The following AGFG1 variants were observed in gnomAD, a reference collection of about 807,000 sequenced individuals.
AGFG1 encodes arf-GAP domain and FG repeat-containing protein 1.
AGFG1 carries 10 observed loss-of-function variants against 60.6 expected under a neutral mutation model. The ratio of observed to expected loss-of-function variants is 0.16; its 90% CI spans 0.10 to 0.28. The LOEUF is 0.28. Among genes scored for constraint, AGFG1 ranks in the 10% least tolerant of loss-of-function variants. The pLI is 1.00. For synonymous variants in AGFG1, 247 were observed against 242.9 expected (o/e 1.02, Z -0.16); for missense variants, 537 against 676.5 (o/e 0.79, Z 2.29).
chr2:227,549,407 A>G (rs1223046423), intron 10 of AGFG1, among the ~76,000 whole-genome samples: 1 of 152,246 alleles, frequency 6.6e-6, no homozygotes, highest in Non-Finnish European at 1.5e-5. Flanking sequence ...TTAACTTTAT[A>G]TGTAACCTGT....
chr2:227,504,637 T>A (rs1266046660), intron 2 of AGFG1, among the ~76,000 whole-genome samples: 1 of 152,272 alleles, frequency 6.6e-6, no homozygotes, highest in African/African-American at 2.4e-5. Flanking sequence ...TGATGTATTT[T>A]ATCATTTGGT....
chr2:227,515,016 A>G (rs1691612691), intron 2 of AGFG1, among the ~76,000 whole-genome samples: 1 of 152,100 alleles, frequency 6.6e-6, no homozygotes, highest in African/African-American at 2.4e-5. Context: ...TCTACTTGCC[A>G]GGCTCAGGTG....
intron 2 of AGFG1, among the ~76,000 whole-genome samples, chr2:227,509,638 G>A (rs1023635833): frequency 1.1e-4 from 16 of 152,062 alleles, no homozygotes; most frequent in African/African-American, 3.4e-4. Flanking sequence ...TAAAGCAAAT[G>A]TTACCGTTGG....
chr2:227,552,548 T>C (rs1413351029), intron 11 of AGFG1, among the ~76,000 whole-genome samples: 2 of 152,056 alleles, frequency 1.3e-5, no homozygotes, highest in Non-Finnish European at 1.5e-5. Flanking sequence ...GTAGTTAGAG[T>C]TTGTTATTTG....
At chr2:227,495,161 T>G (rs1328832239) in intron 2 of AGFG1, among the ~76,000 whole-genome samples, 1 of 152,182 alleles carries the variant, frequency 6.6e-6, no homozygotes, top group Non-Finnish European at 1.5e-5. Context: ...TGTATTTATT[T>G]GCTGAAGTAA....
intron 10 of AGFG1, among the ~76,000 whole-genome samples, chr2:227,547,284 T>C (rs2106239041): frequency 6.6e-6 from 1 of 152,314 alleles, no homozygotes; most frequent in South Asian, 2.1e-4. Flanking sequence ...AAAGTTACCT[T>C]GGGCTGTGAA....
At chr2:227,532,901 C>A (rs1481076758) in intron 6 of AGFG1, among the ~76,000 whole-genome samples, 4 of 151,872 alleles carry the variant, frequency 2.6e-5, no homozygotes, top group Admixed American at 2.0e-4. Flanking sequence ...TTTATAAAGT[C>A]AAAAATTGCT....
At chr2:227,510,141 C>T (rs1284464723) in intron 2 of AGFG1, among the ~76,000 whole-genome samples, 1 of 152,056 alleles carries the variant, frequency 6.6e-6, no homozygotes, top group Non-Finnish European at 1.5e-5. Flanking sequence ...TCATAAATAA[C>T]CTGTGTGTTG....
chr2:227,552,107 A>G lies in AGFG1; in HGVS notation c.1527A>G (p.Gln509=), dbSNP rs188261439. The G allele has an allele frequency of 8.1e-6, 13 of 1,614,158 alleles. No homozygotes were observed. The East Asian group carries it at 1.8e-4, about 22-fold the overall frequency. ...AAFPQQTAFS[Q]QPNGAGFAAF... ...TCCCTCAACAGACAGCTTTTTCTCA[A>G]CAGCCCAATGGTAAGATCTAACATT... Residue 509 remains glutamine (Q), a synonymous_variant, in exon 11 of 13, where the codon CAA becomes CAG. Coordinates refer to ENST00000310078, the MANE Select transcript of AGFG1 (RefSeq NM_004504.5).
chr2:227,489,252 A>C (rs974501610), intron 1 of AGFG1, among the ~76,000 whole-genome samples: 25 of 97,416 alleles, frequency 2.6e-4, no homozygotes, highest in African/African-American at 1.1e-3. Context: ...TTTTTTTGAG[A>C]CGGAGTCTCA....
At chr2:227,478,465 T>A (rs932104519) in intron 1 of AGFG1, among the ~76,000 whole-genome samples, 3 of 151,954 alleles carry the variant, frequency 2.0e-5, no homozygotes, top group African/African-American at 7.3e-5. Context: ...GACCTCAGCT[T>A]CCCAGGTACC....
intron 1 of AGFG1, among the ~76,000 whole-genome samples, chr2:227,478,249 AAAATAC>A (rs1411951398): frequency 1.3e-5 from 2 of 149,138 alleles, no homozygotes; most frequent in Admixed American, 6.8e-5. Context: ...TAAAAAAAAA[AAAATAC>A]ATACATGCAC....
At chr2:227,508,870 A>T (rs1473632082) in intron 2 of AGFG1, among the ~76,000 whole-genome samples, 1 of 152,192 alleles carries the variant, frequency 6.6e-6, no homozygotes, top group Non-Finnish European at 1.5e-5. Flanking sequence ...GATATACTGT[A>T]ACCTTCATAT....
intron 1 of AGFG1, among the ~76,000 whole-genome samples, chr2:227,477,098 C>T (rs1690306224): frequency 6.6e-6 from 1 of 152,046 alleles, no homozygotes; most frequent in African/African-American, 2.4e-5. Context: ...GACTGGGTTT[C>T]GCCATGTTGG....
intron 2 of AGFG1, among the ~76,000 whole-genome samples, chr2:227,497,727 C>CTTTTTTTTTTTT (rs1691018848): frequency 7.3e-5 from 1 of 13,638 alleles, no homozygotes; most frequent in African/African-American, 3.1e-4. Flanking sequence ...GAGTTTCTTT[C>CTTTTTTTTTTTT]TTGTTTTGTT....
intron 1 of AGFG1, among the ~76,000 whole-genome samples, chr2:227,490,173 C>T (rs554971872): frequency 5.9e-5 from 9 of 152,086 alleles, no homozygotes; most frequent in Admixed American, 5.9e-4. Flanking sequence ...TCAAAATGTT[C>T]CCAAAATATT....
chr2:227,490,289 C>T (rs1276964164), intron 1 of AGFG1, among the ~76,000 whole-genome samples: 3 of 152,076 alleles, frequency 2.0e-5, no homozygotes, highest in Non-Finnish European at 2.9e-5. Context: ...AAAAATATTA[C>T]TGCAGTTGGC....
chr2:227,540,962 C>G (rs1293200153), intron 10 of AGFG1, among the ~76,000 whole-genome samples: 1 of 152,120 alleles, frequency 6.6e-6, no homozygotes, highest in East Asian at 1.9e-4. Context: ...AAGAGCATTT[C>G]TTCATGTGTC....
chr2:227,545,953 G>T (rs976013110), intron 10 of AGFG1, among the ~76,000 whole-genome samples: 16 of 152,238 alleles, frequency 1.1e-4, no homozygotes, highest in Non-Finnish European at 2.1e-4. Flanking sequence ...GGACCCACTT[G>T]AGGAGGCAGT....
Sources: gnomAD v4.1 joint callset for allele counts (sites outside exome capture counted in the v4.1 genomes callset) on GRCh38, gnomAD v4.1.1 for gene constraint, MANE v1.5 for transcripts, NCBI Gene and HGNC (gene_info 2026-07-23, HGNC 2026-07-21) for gene names.